PCDHGA4: variants seen among roughly 807,000 people sequenced by gnomAD.
PCDHGA4 encodes the protein protocadherin gamma-A4.
PCDHGA4 carries 38 observed loss-of-function variants against 54.6 expected under a neutral mutation model. That is an observed-to-expected ratio of 0.70 (90% CI 0.54 to 0.91). The LOEUF (loss-of-function observed/expected upper bound fraction) is 0.91, where lower values mean the gene tolerates loss of function less well. Among genes scored for constraint, PCDHGA4 ranks in the 40% least tolerant of loss-of-function variants. The probability of loss-of-function intolerance (pLI) is 0.00; values close to 1 mark genes in which losing one functional copy is unlikely to be tolerated. For missense variants in PCDHGA4, 1,298 were observed against 1,220.9 expected, an observed-to-expected ratio of 1.06 and a Z score of -0.94; for synonymous variants, 511 against 512.9, an observed-to-expected ratio of 1.00 and a Z score of 0.05.
intron 1 of PCDHGA4, chr5:141,366,493 G>A: frequency 4.3e-6 from 7 of 1,614,256 alleles, no homozygotes; most frequent in Non-Finnish European, 5.9e-6. Context: ...GCTGGCACAA[G>A]TCACGCCTGC....
chr5:141,491,802 G>A lies in PCDHGA4; in HGVS notation c.2515-3005G>A. 6.7e-7 allele frequency: 1 copy of A among 1,497,480 alleles called. No homozygotes were observed. Among genetic ancestry groups the A allele is most frequent in the East Asian group, 2.5e-5 (1 of 40,518 alleles). The allele number at this position is 1,497,480 out of a possible 1,614,324, so 92.8% of individuals were successfully genotyped here. ...ACTTGCATCCACTCCTCTCCGGCCG[G>A]CTTGGTCGCTGGCTGCGCTCCACCC... On this transcript the variant is annotated intron_variant, in intron 1 of 3. Coordinates refer to ENST00000571252, the MANE Select transcript of PCDHGA4 (RefSeq NM_018917.4). The surrounding 1 kb of genome is among the most constrained non-coding windows in gnomAD (Gnocchi z 6.9).
chr5:141,450,851 G>T (rs1184272833), intron 1 of PCDHGA4, among the ~76,000 whole-genome samples: 1 of 142,602 alleles, frequency 7.0e-6, no homozygotes, highest in Non-Finnish European at 1.5e-5. Context: ...TTGAGATGGG[G>T]TCTTGCTCTG....
Position 141,380,147 on chromosome 5 carries a change from G to A in PCDHGA4, c.2514+22526G>A, listed in dbSNP as rs191814510. On this transcript the variant is annotated intron_variant, in intron 1 of 3. Transcript: ENST00000571252. ...ACTCCTGACCTTAAGTGATCCACCC[G>A]CCTCAGCCTCTCAAAGGGCTGGGAT... Among the ~76,000 whole-genome samples the A allele has an allele frequency of 2.4e-3, 365 of 152,108 alleles. 1 individual carries two copies. Among genetic ancestry groups the A allele is most frequent in the Non-Finnish European group, 4.5e-3 (306 of 67,982 alleles).
rs549647263 is a variant in PCDHGA4 at position 141,364,755 on chromosome 5, T to C, written c.2514+7134T>C. Reference sequence around the variant, plus strand: ...CGGGATGAAGAGTTAAAAGTAAAAGTTAATGAAAATGCGGCTGCAGGGACA... The same window carrying C: ...CGGGATGAAGAGTTAAAAGTAAAAGCTAATGAAAATGCGGCTGCAGGGACA... On this transcript the variant is annotated intron_variant, in intron 1 of 3. Coordinates refer to ENST00000571252, the MANE Select transcript of PCDHGA4 (RefSeq NM_018917.4). The C allele has an allele frequency of 1.7e-5, 27 of 1,613,958 alleles. No homozygotes were observed. The East Asian group carries it at 6.0e-4, about 36-fold the overall frequency.
chr5:141,362,610 G>T, intron 1 of PCDHGA4: 1 of 1,557,774 alleles, frequency 6.4e-7, no homozygotes, highest in Non-Finnish European at 8.7e-7. Flanking sequence ...CACCTAATTT[G>T]GGTAGGAAGT....
intron 1 of PCDHGA4, among the ~76,000 whole-genome samples, chr5:141,455,045 C>G (rs1008259013): frequency 6.6e-6 from 1 of 151,798 alleles, no homozygotes; most frequent in Non-Finnish European, 1.5e-5. Context: ...ATCTCCTGAC[C>G]TCGTGATCCG....
At chr5:141,421,678 G>T in intron 1 of PCDHGA4, 3 of 1,613,892 alleles carry the variant, frequency 1.9e-6, no homozygotes, top group Non-Finnish European at 2.5e-6. Context: ...AATTCCTGGG[G>T]CGCGATTTGC....
intron 1 of PCDHGA4, chr5:141,408,855 G>A: frequency 6.2e-7 from 1 of 1,613,572 alleles, no homozygotes; most frequent in Non-Finnish European, 8.5e-7. Flanking sequence ...TTGGACGGAG[G>A]GGACCCACCA....
chr5:141,419,137 CA>C (rs1561778370), intron 1 of PCDHGA4: 1 of 1,613,892 alleles, frequency 6.2e-7, no homozygotes, highest in African/African-American at 1.3e-5. Flanking sequence ...CAGCCACAGA[CA>C]GGGGCAAGCC....
chr5:141,420,722 A>T (rs1428516588), intron 1 of PCDHGA4, among the ~76,000 whole-genome samples: 4 of 152,226 alleles, frequency 2.6e-5, no homozygotes, highest in Admixed American at 6.5e-5. Flanking sequence ...CGTTCCTTTC[A>T]GTCGGTTAAA....
chr5:141,490,243 G>A lies in PCDHGA4; in HGVS notation c.2515-4564G>A, dbSNP rs1431165990. 1 of 1,614,238 alleles carries A rather than the reference G, an allele frequency of 6.2e-7. No individual in the cohort carries two copies. The highest frequency in any genetic ancestry group is 8.5e-7 in the Non-Finnish European group (1 of 1,180,038). The stretch of plus-strand genomic sequence containing the variant: ...ACAGCCTGCCATGGAGGGCCACTGT[G>A]TGATTCAAGTGGATGTGGGGGATGT... On this transcript the variant is annotated intron_variant, in intron 1 of 3. Coordinates refer to ENST00000571252, the MANE Select transcript of PCDHGA4 (RefSeq NM_018917.4). This position sits in a 1 kb window ranked among gnomAD's most constrained non-coding sequence, Gnocchi z 5.4.
intron 1 of PCDHGA4, chr5:141,405,392 TTC>T (rs1477182661): frequency 6.3e-7 from 1 of 1,595,986 alleles, no homozygotes; most frequent in Non-Finnish European, 8.5e-7. Flanking sequence ...TTCATTTTTT[TTC>T]TTTCTTTCTT....
rs1012728568 is a variant in PCDHGA4 at position 141,495,487 on chromosome 5, T to C, written c.2573+622T>C. Among the ~76,000 whole-genome samples, 22 of 152,328 alleles carry C rather than the reference T, an allele frequency of 1.4e-4. 1 individual carries two copies. The East Asian group carries it at 4.1e-3, about 28-fold the overall frequency. ...GGGGTCTCCGTGTCTCTGCCCCTTT[T>C]TCTTGAGTTTCCGTCTTTGCCACTT... On this transcript the variant is annotated intron_variant, in intron 2 of 3. Coordinates refer to ENST00000571252, the MANE Select transcript of PCDHGA4 (RefSeq NM_018917.4).
chr5:141,404,242 G>A (rs372976589), intron 1 of PCDHGA4: 30 of 1,613,344 alleles, frequency 1.9e-5, no homozygotes, highest in Non-Finnish European at 2.4e-5. Flanking sequence ...GAGGAACTCC[G>A]CCCCTGTCCA....
chr5:141,423,809 G>C, intron 1 of PCDHGA4: 1 of 1,260,030 alleles, frequency 7.9e-7, no homozygotes, highest in Non-Finnish European at 1.0e-6. Context: ...ATACATGTGA[G>C]TTTTACTTTG....
In PCDHGA4 at chr5:141,477,031, A is replaced by C; in HGVS notation, c.2515-17776A>C. Reference sequence around the variant, plus strand: ...TAGACCTTGTAACCGGGATGCTGACAATCAAGGGTCGGCTGGACTTCGAGG... The same window carrying C: ...TAGACCTTGTAACCGGGATGCTGACCATCAAGGGTCGGCTGGACTTCGAGG... On this transcript the variant is annotated intron_variant, in intron 1 of 3. Coordinates refer to ENST00000571252, the MANE Select transcript of PCDHGA4 (RefSeq NM_018917.4). This position sits in a 1 kb window ranked among gnomAD's most constrained non-coding sequence, Gnocchi z 4.9. The C allele has an allele frequency of 6.2e-7, 1 of 1,614,248 alleles. No individual in the cohort carries two copies. Among genetic ancestry groups the C allele is most frequent in the Non-Finnish European group, 8.5e-7 (1 of 1,180,040 alleles).
intron 1 of PCDHGA4, among the ~76,000 whole-genome samples, chr5:141,464,984 C>T (rs1345385418): frequency 1.3e-5 from 2 of 152,034 alleles, no homozygotes; most frequent in Non-Finnish European, 2.9e-5. Flanking sequence ...TCAAGTGATC[C>T]TCCCACCTCA....
Position 141,493,876 on chromosome 5 carries a change from G to T in PCDHGA4, c.2515-931G>T, listed in dbSNP as rs2099750541. 6.6e-6 allele frequency among the ~76,000 whole-genome samples: 1 copy of T among 152,194 alleles called. No homozygotes were observed. ...CAGCCCACCCCAGAACCAGTGAGGA[G>T]GTGGCTCTAGGAGTGCTCCATGAGA... On this transcript the variant is annotated intron_variant, in intron 1 of 3. Transcript: ENST00000571252. The surrounding 1 kb of genome is among the most constrained non-coding windows in gnomAD (Gnocchi z 4.3).
At chr5:141,461,501 T>A (rs113852528) in intron 1 of PCDHGA4, among the ~76,000 whole-genome samples, 4 of 152,310 alleles carry the variant, frequency 2.6e-5, no homozygotes, top group South Asian at 2.1e-4. Context: ...TTATTTTTCT[T>A]GGTGATTTGT....
Sources: gnomAD v4.1 joint callset for allele counts (sites outside exome capture counted in the v4.1 genomes callset) on GRCh38, gnomAD v4.1.1 for gene constraint, Gnocchi (gnomAD v3.1) non-coding constraint, MANE v1.5 for transcripts, NCBI Gene and HGNC (gene_info 2026-07-23, HGNC 2026-07-21) for gene names.